Variants in SPOCK2 observed in about 807,000 individuals in gnomAD.
SPOCK2 encodes testican-2.
A neutral mutation model predicts 60.1 loss-of-function variants in SPOCK2; 39 were observed. The observed-to-expected ratio is 0.65, with a 90% CI of 0.50 to 0.85. The LOEUF is 0.85. Among genes scored for constraint, SPOCK2 ranks in the 40% least tolerant of loss-of-function variants. The probability of loss-of-function intolerance (pLI) is 0.00; values close to 1 mark genes in which losing one functional copy is unlikely to be tolerated. For missense variants in SPOCK2, 523 were observed against 567.4 expected (o/e 0.92, Z 0.80); for synonymous variants, 217 against 231.5 (o/e 0.94, Z 0.57).
Position 72,060,242 on chromosome 10 carries a change from T to C in SPOCK2, c.*2518A>G, listed in dbSNP as rs1431101799. On this transcript the variant is annotated 3_prime_UTR_variant, in exon 11 of 11. Transcript: ENST00000373109. ...TACCTTTTGAGGGGACCAGTCTCAG[T>C]AGGGCGAAAGGCAGTGTGGGGGCTT... is the stretch of plus-strand genomic sequence containing the variant. 6.6e-6 allele frequency: 1 copy of C among 152,506 alleles called. No individual in the cohort carries two copies. Among genetic ancestry groups the C allele is most frequent in the African/African-American group, 2.4e-5 (1 of 41,464 alleles). The allele number at this position is 152,506 out of a possible 1,614,324, so 9.4% of individuals were successfully genotyped here. A position where few individuals can be genotyped will look rare whatever the true frequency, so the allele number is the denominator to read the frequency against.
chr10:72,087,234 G>A lies in SPOCK2; in HGVS notation c.189+906C>T, dbSNP rs1840871742. Among the ~76,000 whole-genome samples, 1 of 150,426 alleles carries A rather than the reference G, an allele frequency of 6.6e-6. No homozygotes were observed. Among genetic ancestry groups the A allele is most frequent in the Admixed American group, 6.6e-5 (1 of 15,132 alleles). ...AAGGAGCCAGCCCCGCCGGGCCGCCGCCTGCGACTTCCCCTCTGATCCACA... is the reference window on the plus strand; with the variant it reads ...AAGGAGCCAGCCCCGCCGGGCCGCCACCTGCGACTTCCCCTCTGATCCACA... On this transcript the variant is annotated intron_variant, in intron 1 of 10. Coordinates refer to ENST00000373109, the MANE Select transcript of SPOCK2 (RefSeq NM_001244950.2). This position sits in a 1 kb window ranked among gnomAD's most constrained non-coding sequence, Gnocchi z 4.7.
chr10:72,073,986 C>A (rs554391186), intron 1 of SPOCK2, among the ~76,000 whole-genome samples: 2 of 152,304 alleles, frequency 1.3e-5, no homozygotes, highest in Admixed American at 6.5e-5. Context: ...ACTTCCTCTG[C>A]GTGGGGCTCC....
At chr10:72,086,180 C>A (rs182407251) in intron 1 of SPOCK2, 11 of 985,564 alleles carry the variant, frequency 1.1e-5, no homozygotes, top group Non-Finnish European at 1.3e-5. Context: ...TCAACACACA[C>A]CTAAAGCTTT....
intron 1 of SPOCK2, among the ~76,000 whole-genome samples, chr10:72,074,299 G>A (rs1451519708): frequency 2.6e-5 from 4 of 152,220 alleles, no homozygotes; most frequent in Middle Eastern, 3.4e-3. Flanking sequence ...GACAAAGGCC[G>A]AAGGGGCCAG....
intron 1 of SPOCK2, among the ~76,000 whole-genome samples, chr10:72,083,353 A>AT (rs1454198302): frequency 6.6e-6 from 1 of 152,142 alleles, no homozygotes; most frequent in Admixed American, 6.5e-5. Flanking sequence ...TCTGCAGATG[A>AT]TTTGGTTTCA....
rs556506303 is a variant in SPOCK2 at position 72,086,584 on chromosome 10, G to A, written c.189+1556C>T. On this transcript the variant is annotated intron_variant, in intron 1 of 10. Transcript: ENST00000373109. Reference sequence around the variant, plus strand: ...CTGTGGCCGGGCTGCTGCCCAGGAAGCGGCAGGAGACTGCGGCTCATCTGC... The same window carrying A: ...CTGTGGCCGGGCTGCTGCCCAGGAAACGGCAGGAGACTGCGGCTCATCTGC... The A allele has an allele frequency of 1.5e-3, 1,714 of 1,152,130 alleles. 27 individuals are homozygous for A. In the African/African-American group the frequency reaches 0.027, roughly 18 times the overall value. 71.4% of individuals were successfully genotyped at this position (1,152,130 alleles called of 1,614,324 possible).
At chr10:72,086,939 C>G (rs1424383495) in intron 1 of SPOCK2, 1 of 1,551,456 alleles carries the variant, frequency 6.4e-7, no homozygotes. Context: ...AAGGAGAAAA[C>G]GGGAGAGGTC....
chr10:72,086,902 C>T, intron 1 of SPOCK2: 1 of 1,551,468 alleles, frequency 6.4e-7, no homozygotes, highest in Non-Finnish European at 8.7e-7. Context: ...AACAAATTTC[C>T]AAGGAACTTG....
At chr10:72,075,234 G>T (rs758509702) in intron 1 of SPOCK2, among the ~76,000 whole-genome samples, 1 of 152,168 alleles carries the variant, frequency 6.6e-6, no homozygotes, top group Non-Finnish European at 1.5e-5. Flanking sequence ...GTGGCAACTG[G>T]TCTCCATCAG....
At chr10:72,086,092 C>T (rs1564551997) in intron 1 of SPOCK2, 4 of 746,646 alleles carry the variant, frequency 5.4e-6, no homozygotes, top group African/African-American at 1.9e-5. Flanking sequence ...CTCCCTGACC[C>T]TGTCCTCCTG....
intron 1 of SPOCK2, among the ~76,000 whole-genome samples, chr10:72,080,816 G>A (rs927167613): frequency 1.3e-5 from 2 of 152,070 alleles, no homozygotes; most frequent in African/African-American, 4.8e-5. Context: ...GCCAGGAGCC[G>A]GGCTGGGCCT....
At chr10:72,079,965 G>A (rs1840761524) in intron 1 of SPOCK2, among the ~76,000 whole-genome samples, 1 of 152,076 alleles carries the variant, frequency 6.6e-6, no homozygotes, top group Non-Finnish European at 1.5e-5. Context: ...CTGAGCTGCA[G>A]AAGAACCCAG....
chr10:72,072,383 G>T, intron 3 of SPOCK2, 120 bp downstream of exon 3: 1 of 1,513,724 alleles, frequency 6.6e-7, no homozygotes. Flanking sequence ...GAGCTCAGGA[G>T]TCCCATCCCC....
At chr10:72,071,194 T>C (rs1223236740) in intron 4 of SPOCK2, among the ~76,000 whole-genome samples, 1 of 150,902 alleles carries the variant, frequency 6.6e-6, no homozygotes. Context: ...TGTTTTGTTG[T>C]GTTTTTTTTT....
intron 6 of SPOCK2, 51 bp downstream of exon 6, chr10:72,068,136 G>A (rs1372921671): frequency 7.7e-6 from 12 of 1,556,480 alleles, no homozygotes; most frequent in Admixed American, 1.9e-5. Flanking sequence ...TGAAGGAGGT[G>A]CCAGGTGGCC....
chr10:72,076,672 G>T (rs941535693), intron 1 of SPOCK2, among the ~76,000 whole-genome samples: 4 of 152,212 alleles, frequency 2.6e-5, no homozygotes, highest in African/African-American at 9.7e-5. Flanking sequence ...TCCTGCCTTA[G>T]ACTCCTACAG....
chr10:72,084,322 C>T (rs1370049863), intron 1 of SPOCK2, among the ~76,000 whole-genome samples: 1 of 152,212 alleles, frequency 6.6e-6, no homozygotes, highest in Non-Finnish European at 1.5e-5. Context: ...AGTCTGAAAC[C>T]AAAGCTCAGA....
chr10:72,073,059 C>T, intron 1 of SPOCK2, 149 bp from the exon 2 acceptor site: 1 of 1,086,518 alleles, frequency 9.2e-7, no homozygotes, highest in South Asian at 1.5e-5. Context: ...TGGCTGTGTT[C>T]CTCTGACCCC....
At chr10:72,069,180 G>C (rs984881426) in intron 5 of SPOCK2, 2 of 160,772 alleles carry the variant, frequency 1.2e-5, no homozygotes, top group African/African-American at 2.4e-5. Context: ...CTCTCTGCCA[G>C]CTCTGCCAGC....
Sources: gnomAD v4.1 joint callset for allele counts (sites outside exome capture counted in the v4.1 genomes callset) on GRCh38, gnomAD v4.1.1 for gene constraint, Gnocchi (gnomAD v3.1) non-coding constraint, MANE v1.5 for transcripts, NCBI Gene and HGNC (gene_info 2026-07-23, HGNC 2026-07-21) for gene names.